Variants in ADCY9 observed in about 807,000 individuals in gnomAD.
ADCY9 encodes the protein adenylate cyclase type 9.
ADCY9 carries 50 observed loss-of-function variants against 101.5 expected under a neutral mutation model. The observed-to-expected ratio is 0.49, with a 90% CI of 0.39 to 0.62. The LOEUF (loss-of-function observed/expected upper bound fraction) is 0.62. ADCY9 is among the 20% of genes least tolerant of loss of function. ADCY9 has a pLI of 0.00. For synonymous variants in ADCY9, 905 were observed against 769.3 expected (o/e 1.18, Z -2.92); for missense variants, 1,662 against 1,800.4 (o/e 0.92, Z 1.39).
intron 2 of ADCY9, among the ~76,000 whole-genome samples, chr16:4,097,120 C>A (rs1211882191): frequency 1.3e-5 from 2 of 152,038 alleles, no homozygotes; most frequent in Non-Finnish European, 2.9e-5. Context: ...CCGTTCAACC[C>A]CACATTTCCT....
intron 2 of ADCY9, among the ~76,000 whole-genome samples, chr16:4,069,489 A>C (rs2056820530): frequency 6.6e-6 from 1 of 152,082 alleles, no homozygotes; most frequent in Admixed American, 6.5e-5. Flanking sequence ...GTGGGGCTTC[A>C]ACAAAGGTTG....
chr16:4,094,587 G>A (rs1375133020), intron 2 of ADCY9, among the ~76,000 whole-genome samples: 2 of 151,726 alleles, frequency 1.3e-5, no homozygotes, highest in South Asian at 2.1e-4. Flanking sequence ...AAAGTGGGAC[G>A]ATCGCTCGAG....
chr16:4,068,315 T>C (rs1000271847), intron 2 of ADCY9, among the ~76,000 whole-genome samples: 13 of 151,514 alleles, frequency 8.6e-5, no homozygotes, highest in African/African-American at 2.7e-4. Flanking sequence ...AATAAAATCA[T>C]ATCTGTTGCA....
chr16:4,078,145 G>A (rs767493721), intron 2 of ADCY9, among the ~76,000 whole-genome samples: 9 of 152,054 alleles, frequency 5.9e-5, no homozygotes, highest in African/African-American at 1.4e-4. Flanking sequence ...GCATTTAACC[G>A]AAACAAATAA....
chr16:3,957,505 G>C (rs1458347487), intron 5 of ADCY9, among the ~76,000 whole-genome samples: 4 of 152,158 alleles, frequency 2.6e-5, no homozygotes, highest in African/African-American at 9.7e-5. Flanking sequence ...ATGGCGGAAT[G>C]GGGGTGGAGG....
chr16:3,974,990 A>G (rs1206962636), intron 9 of ADCY9, among the ~76,000 whole-genome samples: 2 of 152,154 alleles, frequency 1.3e-5, no homozygotes, highest in Non-Finnish European at 2.9e-5. Context: ...CTGAGGCCTC[A>G]AGTGGATGGA....
intron 2 of ADCY9, among the ~76,000 whole-genome samples, chr16:4,043,056 C>T (rs2056638160): frequency 6.6e-6 from 1 of 151,864 alleles, no homozygotes; most frequent in Non-Finnish European, 1.5e-5. Flanking sequence ...ATGCTGAAAC[C>T]TCATCTCTAC....
chr16:4,115,438 G>T lies in ADCY9; in HGVS notation c.5C>A (p.Ala2Asp), dbSNP rs56119296. 1.8e-4 allele frequency: 272 copies of T among 1,545,970 alleles called. 1 individual carries two copies. Among genetic ancestry groups the T allele is most frequent in the Admixed American group, 9.6e-4 (49 of 50,872 alleles). ...CAGCAGCTGCTGGTGGGGTGGGGAA[G>T]CCATGTTGTCGAGTCCCGGGGCCTG... M[A>D]SPPHQQLLHH... The change falls in exon 2 of 11, where the codon GCT (alanine) becomes GAT (aspartate). Residue 2 changes from alanine (A) to aspartate (D), a missense_variant. This residue lies in a region of ADCY9 where 422 missense variants were observed against 392.0 expected (regional missense o/e 1.08). Coordinates refer to ENST00000294016, the MANE Select transcript of ADCY9 (RefSeq NM_001116.4). This position sits in a 1 kb window ranked among gnomAD's most constrained non-coding sequence, Gnocchi z 6.2.
At chr16:4,018,493 G>A (rs868039823) in intron 2 of ADCY9, among the ~76,000 whole-genome samples, 4 of 152,218 alleles carry the variant, frequency 2.6e-5, no homozygotes, top group East Asian at 3.9e-4. Context: ...AATTACAGGC[G>A]TGAGCCACCG....
intron 7 of ADCY9, 132 bp downstream of exon 7, chr16:3,983,100 G>C (rs1032972626): frequency 8.8e-5 from 76 of 864,204 alleles, no homozygotes; most frequent in Middle Eastern, 3.5e-4. Flanking sequence ...GAGGACACGG[G>C]GACCCATCTC....
chr16:4,110,813 G>T (rs575786122), intron 2 of ADCY9, among the ~76,000 whole-genome samples: 2 of 152,204 alleles, frequency 1.3e-5, no homozygotes, highest in African/African-American at 4.8e-5. Flanking sequence ...GTAACTCCGG[G>T]TGTGGCCATG....
At chr16:3,972,785 G>A (rs1022478177) in intron 10 of ADCY9, among the ~76,000 whole-genome samples, 5 of 152,052 alleles carry the variant, frequency 3.3e-5, no homozygotes, top group Admixed American at 2.0e-4. Flanking sequence ...GGTCAGCAGC[G>A]GTGGGGTTGG....
intron 3 of ADCY9, 41 bp from the exon 4 acceptor site, chr16:3,993,551 C>T (rs1272322654): frequency 1.0e-5 from 16 of 1,603,978 alleles, no homozygotes; most frequent in East Asian, 2.2e-5. Flanking sequence ...ACCCAGAAAC[C>T]GCGACTGCCA....
intron 2 of ADCY9, among the ~76,000 whole-genome samples, chr16:4,025,087 G>C (rs918837533): frequency 6.6e-6 from 1 of 152,094 alleles, no homozygotes; most frequent in Non-Finnish European, 1.5e-5. Flanking sequence ...GGGGGGCTGG[G>C]TGTGATGGCT....
intron 2 of ADCY9, among the ~76,000 whole-genome samples, chr16:4,023,326 A>G (rs1477532359): frequency 6.6e-6 from 1 of 152,246 alleles, no homozygotes; most frequent in Non-Finnish European, 1.5e-5. Flanking sequence ...AGAGCCAGGA[A>G]GAAAGCAAAA....
intron 2 of ADCY9, among the ~76,000 whole-genome samples, chr16:4,036,418 G>A (rs1567447640): frequency 1.4e-5 from 2 of 146,810 alleles, no homozygotes; most frequent in Middle Eastern, 3.6e-3. Context: ...CATTCAGGGT[G>A]CCCATCACTC....
downstream of ADCY9, among the ~76,000 whole-genome samples, chr16:3,961,213 T>C (rs956823248): frequency 2.0e-5 from 3 of 152,072 alleles, no homozygotes; most frequent in Non-Finnish European, 2.9e-5. Context: ...TTTGGGAGGC[T>C]GAGGAGGACG....
At chr16:4,014,329 A>G (rs1185507585) in intron 2 of ADCY9, among the ~76,000 whole-genome samples, 2 of 150,554 alleles carry the variant, frequency 1.3e-5, no homozygotes, top group African/African-American at 2.4e-5. Context: ...AAAAAAGAAA[A>G]AAAAAAAAAA....
rs551114081 is a variant in ADCY9, at chr16:4,095,472, G to A, written c.1693+18278C>T. Among the ~76,000 whole-genome samples, 3 of 152,180 alleles carry A rather than the reference G, an allele frequency of 2.0e-5. No homozygotes were observed. In the South Asian group the frequency reaches 6.2e-4, roughly 32 times the overall value. On this transcript the variant is annotated intron_variant, in intron 2 of 10. Transcript: ENST00000294016. ...CAAGTCCTTCCTCAACAGAATCATC[G>A]GTAAGAACACTGTCAGTCCAGGATT...
Sources: gnomAD v4.1 joint callset for allele counts (sites outside exome capture counted in the v4.1 genomes callset) on GRCh38, gnomAD v4.1.1 for gene constraint, gnomAD v4.1.1 regional missense constraint, Gnocchi (gnomAD v3.1) non-coding constraint, MANE v1.5 for transcripts, NCBI Gene and HGNC (gene_info 2026-07-23, HGNC 2026-07-21) for gene names.